Variants in ARL15 observed in about 807,000 individuals in gnomAD.
The protein encoded by ARL15 is ARF like GTPase 15.
Under a neutral mutation model 25.2 loss-of-function variants are expected in ARL15, and 19 were observed. The observed-to-expected ratio is 0.75, with a 90% CI of 0.53 to 1.10. ARL15 has a LOEUF of 1.10. ARL15 is among the 50% of genes least tolerant of loss of function. The pLI is 0.00. For synonymous variants in ARL15, 94 were observed against 86.8 expected (o/e 1.08, Z -0.46); for missense variants, 220 against 246.0 (o/e 0.89, Z 0.71).
At chr5:54,252,794 G>A (rs1472377760) in intron 1 of ARL15, among the ~76,000 whole-genome samples, 2 of 151,982 alleles carry the variant, frequency 1.3e-5, no homozygotes, top group African/African-American at 4.8e-5. Flanking sequence ...GCCCAATCTC[G>A]GCTCACTGCA....
intron 4 of ARL15, among the ~76,000 whole-genome samples, chr5:53,914,105 G>A (rs1217118059): frequency 6.6e-6 from 1 of 150,870 alleles, no homozygotes; most frequent in Non-Finnish European, 1.5e-5. Context: ...ACAGGACAAG[G>A]AAAGGGAAGT....
intron 4 of ARL15, among the ~76,000 whole-genome samples, chr5:54,096,888 A>AT (rs1752304980): frequency 6.6e-6 from 1 of 152,062 alleles, no homozygotes; most frequent in Non-Finnish European, 1.5e-5. Context: ...AATTTGGTCT[A>AT]TTTAATGTTG....
In ARL15 at chr5:53,886,510, C is replaced by A. The variant is rs146946321; in HGVS notation, c.*51G>T. The A allele has an allele frequency of 6.6e-7, 1 of 1,505,144 alleles. No homozygotes were observed. Among genetic ancestry groups the A allele is most frequent in the Non-Finnish European group, 8.9e-7 (1 of 1,129,584 alleles). The allele number at this position is 1,505,144 out of a possible 1,614,324, so 93.2% of individuals were successfully genotyped here. A position where few individuals can be genotyped will look rare whatever the true frequency, so the allele number is the denominator to read the frequency against. ...ACCAAAATAAAATTAAAATGAGAAA[C>A]TAACATGATAGGTTCAAGGCCTTTT... is the stretch of plus-strand genomic sequence containing the variant. On this transcript the variant is annotated 3_prime_UTR_variant, in exon 5 of 5. Transcript: ENST00000504924.
At chr5:54,146,598 A>AT (rs965372320) in intron 3 of ARL15, among the ~76,000 whole-genome samples, 2 of 152,190 alleles carry the variant, frequency 1.3e-5, no homozygotes, top group African/African-American at 4.8e-5. Context: ...ACAAATACTT[A>AT]TTCCCTTGTG....
intron 4 of ARL15, among the ~76,000 whole-genome samples, chr5:54,047,726 G>T (rs868562886): frequency 6.6e-6 from 1 of 152,152 alleles, no homozygotes; most frequent in South Asian, 2.1e-4. Context: ...GAATTACCAA[G>T]GTAGGATAAA....
chr5:53,939,916 AAC>A (rs1280692697), intron 4 of ARL15, among the ~76,000 whole-genome samples: 3 of 84,664 alleles, frequency 3.5e-5, no homozygotes, highest in South Asian at 3.1e-4. Flanking sequence ...CAGAAAAAAC[AAC>A]AACAACAACA....
At chr5:54,098,481 T>C (rs1752350389) in intron 4 of ARL15, among the ~76,000 whole-genome samples, 1 of 152,128 alleles carries the variant, frequency 6.6e-6, no homozygotes, top group African/African-American at 2.4e-5. Flanking sequence ...GATCACAGGT[T>C]AGTCAAGTGG....
chr5:54,013,807 C>T (rs912702621), intron 4 of ARL15, among the ~76,000 whole-genome samples: 4 of 152,308 alleles, frequency 2.6e-5, no homozygotes, highest in Admixed American at 6.5e-5. Context: ...CCTATGATTT[C>T]ACTTGTAATC....
chr5:53,903,464 C>T (rs961116377), intron 4 of ARL15, among the ~76,000 whole-genome samples: 22 of 152,114 alleles, frequency 1.4e-4, no homozygotes, highest in African/African-American at 5.1e-4. Flanking sequence ...GGCTAACATC[C>T]TCCAATGCAT....
intron 4 of ARL15, among the ~76,000 whole-genome samples, chr5:53,898,618 T>C (rs907795480): frequency 3.9e-5 from 6 of 152,056 alleles, no homozygotes; most frequent in African/African-American, 1.2e-4. Context: ...TAGTCCTTTA[T>C]ATTTCTTTTT....
At chr5:53,982,465 T>C (rs1369103428) in intron 4 of ARL15, among the ~76,000 whole-genome samples, 2 of 152,066 alleles carry the variant, frequency 1.3e-5, no homozygotes, top group Non-Finnish European at 2.9e-5. Flanking sequence ...GTTAGTTTGC[T>C]GAGAATGATG....
chr5:54,221,859 ACACACAC>A (rs1194965223), intron 1 of ARL15, among the ~76,000 whole-genome samples: 34 of 148,568 alleles, frequency 2.3e-4, no homozygotes, highest in African/African-American at 8.5e-4. Context: ...ACACACACAC[ACACACAC>A]ACACAAAACC....
At chr5:53,954,921 G>A (rs955949416) in intron 4 of ARL15, among the ~76,000 whole-genome samples, 1 of 151,860 alleles carries the variant, frequency 6.6e-6, no homozygotes, top group African/African-American at 2.4e-5. Flanking sequence ...TAACATATGT[G>A]CCATACTCCA....
At chr5:54,101,667 A>G (rs1381236734) in intron 4 of ARL15, among the ~76,000 whole-genome samples, 1 of 152,192 alleles carries the variant, frequency 6.6e-6, no homozygotes, top group African/African-American at 2.4e-5. Flanking sequence ...ATAGTGCTCA[A>G]AAACATTTCC....
chr5:54,162,792 T>C (rs16882366), intron 2 of ARL15, among the ~76,000 whole-genome samples: 2,415 of 152,316 alleles, frequency 0.016, 56 homozygotes, highest in African/African-American at 0.053. Flanking sequence ...CTCCAGTTTA[T>C]AGCAAAGAGT....
chr5:54,110,345 A>G (rs1752704471), intron 4 of ARL15, among the ~76,000 whole-genome samples: 1 of 151,992 alleles, frequency 6.6e-6, no homozygotes, highest in African/African-American at 2.4e-5. Context: ...TCATCAACCA[A>G]TAGTGTGTTT....
At chr5:54,263,291 G>A (rs1757541591) in intron 1 of ARL15, among the ~76,000 whole-genome samples, 1 of 152,106 alleles carries the variant, frequency 6.6e-6, no homozygotes, top group Admixed American at 6.5e-5. Flanking sequence ...TAAAGCTGAA[G>A]TCAAATGGCA....
intron 1 of ARL15, among the ~76,000 whole-genome samples, chr5:54,197,860 C>G (rs751202026): frequency 6.6e-6 from 1 of 152,134 alleles, no homozygotes; most frequent in African/African-American, 2.4e-5. Context: ...GAATTTATAC[C>G]AATATCCTTG....
intron 1 of ARL15, among the ~76,000 whole-genome samples, chr5:54,212,279 C>T (rs1455958774): frequency 6.6e-6 from 1 of 152,174 alleles, no homozygotes; most frequent in African/African-American, 2.4e-5. Flanking sequence ...TAAAAAGAAG[C>T]TGGCCTTTTT....
Sources: allele counts gnomAD v4.1 joint callset (sites outside exome capture counted in the v4.1 genomes callset), GRCh38; gene constraint gnomAD v4.1.1; transcripts MANE v1.5; gene names NCBI Gene and HGNC (gene_info 2026-07-23, HGNC 2026-07-21).